MITF: variants seen among roughly 807,000 people sequenced by gnomAD.
MITF encodes microphthalmia-associated transcription factor.
Under a neutral mutation model 60.5 loss-of-function variants are expected in MITF, and 17 were observed. The ratio of observed to expected loss-of-function variants is 0.28; its 90% CI spans 0.19 to 0.42. The LOEUF is 0.42. MITF is among the 10% of genes least tolerant of loss of function. MITF has a pLI of 1.00. For synonymous variants in MITF, 260 were observed against 248.5 expected (o/e 1.05, Z -0.43); for missense variants, 622 against 683.5 (o/e 0.91, Z 1.00).
At chr3:69,834,893 G>A (rs2063515256) in intron 1 of MITF, among the ~76,000 whole-genome samples, 1 of 144,140 alleles carries the variant, frequency 6.9e-6, no homozygotes, top group Non-Finnish European at 1.5e-5. Context: ...GAGTGAGGTA[G>A]TATCTCCCTA....
intron 2 of MITF, among the ~76,000 whole-genome samples, chr3:69,914,374 G>A (rs1167992154): frequency 4.6e-5 from 7 of 152,002 alleles, no homozygotes; most frequent in Admixed American, 1.3e-4. Flanking sequence ...CGCCTCCCTC[G>A]GCCTCCCAAA....
chr3:69,856,514 G>A (rs1356519005), intron 1 of MITF, among the ~76,000 whole-genome samples: 1 of 152,104 alleles, frequency 6.6e-6, no homozygotes, highest in East Asian at 1.9e-4. Context: ...GAAGAAATTT[G>A]AAAGGGCCCT....
intron 1 of MITF, among the ~76,000 whole-genome samples, chr3:69,741,919 A>G (rs1207067242): frequency 1.3e-5 from 2 of 152,132 alleles, no homozygotes; most frequent in Non-Finnish European, 2.9e-5. Flanking sequence ...CACTTCTTAC[A>G]AGTCTTTGTC....
At chr3:69,886,845 A>G (rs915370458) in intron 2 of MITF, among the ~76,000 whole-genome samples, 1 of 152,138 alleles carries the variant, frequency 6.6e-6, no homozygotes, top group African/African-American at 2.4e-5. Flanking sequence ...CTATAACAAC[A>G]TCCAAAAATC....
chr3:69,742,120 A>G (rs1703548468), intron 1 of MITF, among the ~76,000 whole-genome samples: 1 of 152,172 alleles, frequency 6.6e-6, no homozygotes, highest in African/African-American at 2.4e-5. Context: ...TAGTCTTTTA[A>G]ACTGCAATAC....
intron 2 of MITF, among the ~76,000 whole-genome samples, chr3:69,927,735 A>T (rs1180134937): frequency 6.6e-6 from 1 of 152,188 alleles, no homozygotes; most frequent in Non-Finnish European, 1.5e-5. Context: ...CTGGAGTGGG[A>T]CATGCTGTGT....
At chr3:69,824,973 G>C (rs2063332529) in intron 1 of MITF, among the ~76,000 whole-genome samples, 1 of 152,202 alleles carries the variant, frequency 6.6e-6, no homozygotes, top group Non-Finnish European at 1.5e-5. Flanking sequence ...CTCTGTCTTA[G>C]AGTTAATGGC....
At chr3:69,894,779 C>G (rs2064836720) in intron 2 of MITF, among the ~76,000 whole-genome samples, 1 of 151,802 alleles carries the variant, frequency 6.6e-6, no homozygotes, top group Non-Finnish European at 1.5e-5. Context: ...ATATTTTTTA[C>G]CTTTTAGAAA....
At chr3:69,912,940 A>G (rs960928063) in intron 2 of MITF, among the ~76,000 whole-genome samples, 1 of 152,178 alleles carries the variant, frequency 6.6e-6, no homozygotes, top group African/African-American at 2.4e-5. Flanking sequence ...GAACAATAGA[A>G]ATGCCTTTGA....
intron 1 of MITF, among the ~76,000 whole-genome samples, chr3:69,872,944 C>T (rs1418338575): frequency 5.3e-5 from 8 of 152,152 alleles, no homozygotes; most frequent in Non-Finnish European, 1.0e-4. Context: ...TGTCTAGCAG[C>T]ACCTAGCTTT....
At chr3:69,850,393 AAT>A in intron 1 of MITF, among the ~76,000 whole-genome samples, 1 of 152,332 alleles carries the variant, frequency 6.6e-6, no homozygotes, top group South Asian at 2.1e-4. Context: ...ATACTAAAAT[AAT>A]ATTAAAGGTA....
chr3:69,870,756 T>G (rs1345033024), intron 1 of MITF, among the ~76,000 whole-genome samples: 2 of 152,146 alleles, frequency 1.3e-5, no homozygotes, highest in Non-Finnish European at 2.9e-5. Flanking sequence ...GTTATCTACT[T>G]AAATCTAATT....
intron 2 of MITF, among the ~76,000 whole-genome samples, chr3:69,924,805 T>G (rs2065548984): frequency 1.3e-5 from 2 of 152,230 alleles, no homozygotes; most frequent in African/African-American, 4.8e-5. Flanking sequence ...TTTGGAAGTA[T>G]GAGAGGAAAG....
At chr3:69,892,190 C>G (rs1410308728) in intron 2 of MITF, among the ~76,000 whole-genome samples, 2 of 152,036 alleles carry the variant, frequency 1.3e-5, no homozygotes, top group African/African-American at 4.8e-5. Context: ...TCCTGATCAA[C>G]AAAAACCAAA....
At chr3:69,928,278 C>T (rs563931867) in intron 2 of MITF, among the ~76,000 whole-genome samples, 10 of 152,258 alleles carry the variant, frequency 6.6e-5, no homozygotes, top group South Asian at 2.1e-4. Flanking sequence ...AGTTTATATC[C>T]GTTTATTTTA....
chr3:69,769,567 G>A (rs893396586), intron 1 of MITF: 1 of 152,066 alleles, frequency 6.6e-6, no homozygotes, highest in African/African-American at 2.4e-5. Flanking sequence ...ACCAGCACGG[G>A]AGTTTTGACC....
chr3:69,872,372 G>T (rs2064258287), intron 1 of MITF, among the ~76,000 whole-genome samples: 1 of 151,862 alleles, frequency 6.6e-6, no homozygotes, highest in Non-Finnish European at 1.5e-5. Flanking sequence ...TTGCCTGGAA[G>T]AGCATTGTTC....
At chr3:69,960,795 CAG>C (rs2066522839) in intron 9 of MITF, among the ~76,000 whole-genome samples, 1 of 152,242 alleles carries the variant, frequency 6.6e-6, no homozygotes, top group East Asian at 1.9e-4. Flanking sequence ...ACTTTTCAAA[CAG>C]AGCAATTCAC....
In MITF at chr3:69,773,635, C is replaced by A. The variant is rs576234071; in HGVS notation, c.104+33934C>A. Among the ~76,000 whole-genome samples the A allele has an allele frequency of 1.8e-3, 281 of 152,214 alleles. 1 individual carries two copies. Among genetic ancestry groups the A allele is most frequent in the African/African-American group, 6.4e-3 (267 of 41,530 alleles). Reference sequence around the variant, plus strand: ...TCCTGTGAGTATTTCATGTGTATGGCTGATTACATTTCTCCTTGAGTATGC... The same window carrying A: ...TCCTGTGAGTATTTCATGTGTATGGATGATTACATTTCTCCTTGAGTATGC... On this transcript the variant is annotated intron_variant, in intron 1 of 9. Coordinates refer to ENST00000352241, the MANE Select transcript of MITF (RefSeq NM_001354604.2).
Sources: allele counts gnomAD v4.1 joint callset (sites outside exome capture counted in the v4.1 genomes callset), GRCh38; gene constraint gnomAD v4.1.1; transcripts MANE v1.5; gene names NCBI Gene and HGNC (gene_info 2026-07-23, HGNC 2026-07-21).